The following SCAPER variants were observed in gnomAD, a reference collection of about 807,000 sequenced individuals.
SCAPER encodes S phase cyclin A-associated protein in the endoplasmic reticulum.
Under a neutral mutation model 182.2 loss-of-function variants are expected in SCAPER, and 98 were observed. The ratio of observed to expected loss-of-function variants is 0.54; its 90% CI spans 0.46 to 0.64. The LOEUF is 0.64. Among genes scored for constraint, SCAPER ranks in the 30% least tolerant of loss-of-function variants. The pLI is 0.00. For missense variants in SCAPER, 1,432 were observed against 1,690.0 expected (o/e 0.85, Z 2.68); for synonymous variants, 605 against 564.6 (o/e 1.07, Z -1.01).
intron 1 of SCAPER, among the ~76,000 whole-genome samples, chr15:76,886,001 T>C (rs1325387606): frequency 1.3e-5 from 2 of 152,222 alleles, no homozygotes; most frequent in East Asian, 3.8e-4. Flanking sequence ...TGATTTCCAT[T>C]GGGTAGATAC....
At chr15:76,899,306 A>G (rs2074618394) in intron 1 of SCAPER, among the ~76,000 whole-genome samples, 1 of 152,050 alleles carries the variant, frequency 6.6e-6, no homozygotes, top group African/African-American at 2.4e-5. Flanking sequence ...CTGGGGTTCC[A>G]GGCACGCGCC....
At chr15:76,722,359 G>C (rs1329047688) in intron 17 of SCAPER, among the ~76,000 whole-genome samples, 1 of 152,182 alleles carries the variant, frequency 6.6e-6, no homozygotes, top group African/African-American at 2.4e-5. Context: ...TTGCATCAAT[G>C]TTCATCAAGG....
rs370073838 is a variant in SCAPER at position 76,423,014 on chromosome 15, C to T, written c.3311+11064G>A. On this transcript the variant is annotated intron_variant, in intron 26 of 31. Transcript: ENST00000563290. Reference sequence around the variant, plus strand: ...AAGCTTTTTGATGTGCTGCTGGATTCGGTTTGCCAGTATTTTATTGAGGAT... The same window carrying T: ...AAGCTTTTTGATGTGCTGCTGGATTTGGTTTGCCAGTATTTTATTGAGGAT... Among the ~76,000 whole-genome samples, 7 of 152,102 alleles carry T rather than the reference C, an allele frequency of 4.6e-5. 1 individual carries two copies. The highest frequency in any genetic ancestry group is 4.1e-4 in the South Asian group (2 of 4,822).
chr15:76,696,261 G>A (rs1468915046), intron 20 of SCAPER, among the ~76,000 whole-genome samples: 1 of 152,132 alleles, frequency 6.6e-6, no homozygotes, highest in Non-Finnish European at 1.5e-5. Flanking sequence ...ATTAAATACA[G>A]TGATGTCTTT....
At chr15:76,865,310 T>C (rs1325772091) in intron 2 of SCAPER, among the ~76,000 whole-genome samples, 2 of 152,112 alleles carry the variant, frequency 1.3e-5, no homozygotes, top group African/African-American at 4.8e-5. Flanking sequence ...TCATTACCTT[T>C]AAAGCAACAG....
chr15:76,413,815 G>T (rs1231837725), intron 26 of SCAPER, among the ~76,000 whole-genome samples: 1 of 152,174 alleles, frequency 6.6e-6, no homozygotes, highest in Non-Finnish European at 1.5e-5. Flanking sequence ...CTGGGGGTAA[G>T]AAAAACTGAT....
At chr15:76,673,952 T>TACACAC (rs71447120) in intron 20 of SCAPER, among the ~76,000 whole-genome samples, 15,205 of 146,226 alleles carry the variant, frequency 0.1, 799 homozygotes, top group Non-Finnish European at 0.13. Flanking sequence ...AATTTATCTA[T>TACACAC]ACACACACAC....
chr15:76,495,492 C>T lies in SCAPER; in HGVS notation c.2954+9367G>A, dbSNP rs181592985. ...ACTTGGGAGGCTGAGGCAGGAGAAT[C>T]GCTTGAACCCAGGAGGCGGAGGTTG... On this transcript the variant is annotated intron_variant, in intron 24 of 31. Coordinates refer to ENST00000563290, the MANE Select transcript of SCAPER (RefSeq NM_020843.4). Among the ~76,000 whole-genome samples, 104 of 147,816 alleles carry T rather than the reference C, an allele frequency of 7.0e-4. 1 individual carries two copies. Among genetic ancestry groups the T allele is most frequent in the African/African-American group, 2.2e-3 (90 of 40,288 alleles).
At chr15:76,726,732 C>T (rs2060620184) in intron 17 of SCAPER, among the ~76,000 whole-genome samples, 1 of 151,942 alleles carries the variant, frequency 6.6e-6, no homozygotes, top group Non-Finnish European at 1.5e-5. Context: ...GGATAAGTCA[C>T]AAAAGGACAA....
rs565619695 is a variant in SCAPER, at chr15:76,813,966, G to A, written c.394-9333C>T. ...GCAGATTACTTGAGGTCAGGGGTTC[G>A]AGATCCGCCTGGCCAACATGGTGAA... On this transcript the variant is annotated intron_variant, in intron 5 of 31. Coordinates refer to ENST00000563290, the MANE Select transcript of SCAPER (RefSeq NM_020843.4). 5.6e-4 allele frequency among the ~76,000 whole-genome samples: 85 copies of A among 152,206 alleles called. No homozygotes were observed. In the South Asian group the frequency reaches 0.013, roughly 23 times the overall value.
intron 20 of SCAPER, among the ~76,000 whole-genome samples, chr15:76,675,572 A>T (rs1567767859): frequency 6.6e-6 from 1 of 152,200 alleles, no homozygotes; most frequent in Admixed American, 6.5e-5. Context: ...TCTAAGTAAC[A>T]ATGCTGACAA....
chr15:76,541,735 G>GA (rs1396617519), intron 23 of SCAPER, among the ~76,000 whole-genome samples: 1 of 151,888 alleles, frequency 6.6e-6, no homozygotes, highest in East Asian at 1.9e-4. Context: ...CCTAGAAAAA[G>GA]AAAAAAATAC....
At chr15:76,821,777 C>T (rs1042838561) in intron 5 of SCAPER, among the ~76,000 whole-genome samples, 3 of 151,384 alleles carry the variant, frequency 2.0e-5, no homozygotes, top group Non-Finnish European at 2.9e-5. Flanking sequence ...GGCATGGTGA[C>T]GCATGACTGT....
chr15:76,637,254 G>C (rs1372868500), intron 21 of SCAPER, among the ~76,000 whole-genome samples: 1 of 151,946 alleles, frequency 6.6e-6, no homozygotes, highest in Non-Finnish European at 1.5e-5. Flanking sequence ...CAATTCTTGA[G>C]GGTATATATC....
intron 24 of SCAPER, chr15:76,471,991 C>G (rs2143002453): frequency 4.9e-6 from 1 of 205,660 alleles, no homozygotes; most frequent in East Asian, 1.4e-4. Context: ...CTATAAAGCC[C>G]CCAGAGCCTG....
intron 16 of SCAPER, among the ~76,000 whole-genome samples, chr15:76,729,148 A>G (rs565567020): frequency 6.6e-6 from 1 of 152,078 alleles, no homozygotes; most frequent in South Asian, 2.1e-4. Context: ...CAAGTTCTTC[A>G]GTTTTGGAAC....
chr15:76,593,271 A>C, intron 22 of SCAPER, among the ~76,000 whole-genome samples: 2 of 119,486 alleles, frequency 1.7e-5, no homozygotes, highest in Admixed American at 9.6e-5. Flanking sequence ...GCCTCTCTAG[A>C]CTCCTCCTCT....
At chr15:76,827,669 G>A (rs1331607600) in intron 5 of SCAPER, among the ~76,000 whole-genome samples, 2 of 151,388 alleles carry the variant, frequency 1.3e-5, no homozygotes, top group East Asian at 1.9e-4. Context: ...GCTTGTGAAT[G>A]GAAAAAAAAA....
At chr15:76,626,851 C>A (rs958889214) in intron 21 of SCAPER, among the ~76,000 whole-genome samples, 11 of 152,068 alleles carry the variant, frequency 7.2e-5, no homozygotes, top group African/African-American at 2.7e-4. Context: ...TCTCCAAATA[C>A]AAAGGAAATG....
Sources: gnomAD v4.1 joint callset for allele counts (sites outside exome capture counted in the v4.1 genomes callset) on GRCh38, gnomAD v4.1.1 for gene constraint, MANE v1.5 for transcripts, NCBI Gene and HGNC (gene_info 2026-07-23, HGNC 2026-07-21) for gene names.